Variants in TRPM3 observed in about 807,000 individuals in gnomAD.
TRPM3 encodes the protein long transient receptor potential channel 3.
Under a neutral mutation model 181.2 loss-of-function variants are expected in TRPM3, and 77 were observed. The ratio of observed to expected loss-of-function variants is 0.42; its 90% CI spans 0.35 to 0.51. TRPM3 has a LOEUF of 0.51. Among genes scored for constraint, TRPM3 ranks in the 20% least tolerant of loss-of-function variants. The probability of loss-of-function intolerance (pLI) is 0.01; values close to 1 mark genes in which losing one functional copy is unlikely to be tolerated. For synonymous variants in TRPM3, 745 were observed against 796.4 expected (o/e 0.94, Z 1.09); for missense variants, 1,759 against 2,196.7 (o/e 0.80, Z 3.98).
intron 1 of TRPM3, among the ~76,000 whole-genome samples, chr9:71,131,442 G>A (rs2074367177): frequency 6.6e-6 from 1 of 152,196 alleles, no homozygotes; most frequent in Non-Finnish European, 1.5e-5. Flanking sequence ...CGAATGGAAT[G>A]TAATTTCTAT....
intron 1 of TRPM3, among the ~76,000 whole-genome samples, chr9:71,310,480 A>C (rs2087817319): frequency 6.6e-6 from 1 of 152,158 alleles, no homozygotes; most frequent in African/African-American, 2.4e-5. Context: ...TGGAGGGGCA[A>C]AGGGTAAATT....
At chr9:71,108,171 T>C (rs947400475) in intron 1 of TRPM3, among the ~76,000 whole-genome samples, 3 of 152,244 alleles carry the variant, frequency 2.0e-5, no homozygotes, top group African/African-American at 7.2e-5. Context: ...GTCTTTATAG[T>C]ATACCTAAAA....
chr9:70,582,774 A>G lies in TRPM3; in HGVS notation c.3223+8257T>C, dbSNP rs2056226137. Among the ~76,000 whole-genome samples the G allele has an allele frequency of 2.6e-5, 4 of 152,218 alleles. No individual in the cohort carries two copies. The South Asian group carries it at 8.3e-4, about 32-fold the overall frequency. ...CCCATCACAGTAGATTCTACTGTAC[A>G]GGGCTATTCTGAAGAATTTCCAGAC... is the stretch of plus-strand genomic sequence containing the variant. On this transcript the variant is annotated intron_variant, in intron 22 of 25. Transcript: ENST00000677713.
chr9:71,326,227 T>C (rs1420798365), intron 1 of TRPM3, among the ~76,000 whole-genome samples: 1 of 152,176 alleles, frequency 6.6e-6, no homozygotes, highest in Non-Finnish European at 1.5e-5. Context: ...CCTACATTTC[T>C]AAGAAAGATG....
At chr9:71,189,047 G>A (rs1220121667) in intron 1 of TRPM3, among the ~76,000 whole-genome samples, 1 of 151,782 alleles carries the variant, frequency 6.6e-6, no homozygotes, top group Non-Finnish European at 1.5e-5. Context: ...TTTGAGACTG[G>A]TCATCAATAT....
chr9:71,075,440 C>T (rs1212979986), intron 1 of TRPM3, among the ~76,000 whole-genome samples: 1 of 152,150 alleles, frequency 6.6e-6, no homozygotes, highest in African/African-American at 2.4e-5. Context: ...GTGGTCAGCT[C>T]ATTTTTGAAT....
At chr9:71,125,273 G>GAA (rs2073960882), upstream of TRPM3, among the ~76,000 whole-genome samples, 2 of 152,136 alleles carry the variant, frequency 1.3e-5, no homozygotes, top group Non-Finnish European at 2.9e-5. Context: ...GTAAATGTGT[G>GAA]CCATGGTGGT....
At chr9:71,158,085 A>C (rs2076094496) in intron 1 of TRPM3, among the ~76,000 whole-genome samples, 1 of 152,162 alleles carries the variant, frequency 6.6e-6, no homozygotes, top group Non-Finnish European at 1.5e-5. Flanking sequence ...GCAATCTTAA[A>C]GTTGTGACAT....
chr9:70,541,412 G>T (rs1204218524), intron 25 of TRPM3, among the ~76,000 whole-genome samples: 1 of 152,124 alleles, frequency 6.6e-6, no homozygotes, highest in Non-Finnish European at 1.5e-5. Context: ...CATGGACCTA[G>T]CTGATAGGGG....
intron 1 of TRPM3, among the ~76,000 whole-genome samples, chr9:71,350,702 T>C (rs546738022): frequency 6.6e-6 from 1 of 152,382 alleles, no homozygotes; most frequent in South Asian, 2.1e-4. Context: ...CAATTTATTT[T>C]GTTGACTTGG....
At position 71,421,042 on chromosome 9, in the gene TRPM3, C is replaced by T. The variant is rs562763568; in HGVS notation, c.183+25611G>A. Among the ~76,000 whole-genome samples the T allele has an allele frequency of 1.2e-3, 167 of 140,152 alleles. 3 individuals carry two copies. Among genetic ancestry groups the T allele is most frequent in the South Asian group, 5.7e-3 (25 of 4,372 alleles). The allele number at this position is 140,152 out of a possible 152,430, so 91.9% of individuals were successfully genotyped here. ...AAAAGAGAGAAAAAGAAAAAGAGAACGAACTCACGTCCTTTGCAGCAACAT... is the reference window on the plus strand; with the variant it reads ...AAAAGAGAGAAAAAGAAAAAGAGAATGAACTCACGTCCTTTGCAGCAACAT... On this transcript the variant is annotated intron_variant, in intron 1 of 24. Transcript: ENST00000357533.
chr9:70,844,616 T>C (rs1469809786), intron 4 of TRPM3, among the ~76,000 whole-genome samples: 1 of 152,226 alleles, frequency 6.6e-6, no homozygotes, highest in Non-Finnish European at 1.5e-5. Context: ...GTCTGCACAA[T>C]TCTATCAATA....
At chr9:70,825,344 A>G (rs1017529381) in intron 6 of TRPM3, 1 of 151,914 alleles carries the variant, frequency 6.6e-6, no homozygotes, top group Non-Finnish European at 1.5e-5. Flanking sequence ...CTCTCCTCTT[A>G]CCATTTAATT....
At chr9:70,852,963 T>TAA (rs1242767635) in intron 3 of TRPM3, among the ~76,000 whole-genome samples, 1 of 152,146 alleles carries the variant, frequency 6.6e-6, no homozygotes, top group Non-Finnish European at 1.5e-5. Flanking sequence ...TATATATATA[T>TAA]TTTTTTCTGG....
At chr9:71,333,299 C>T (rs754991773) in intron 1 of TRPM3, among the ~76,000 whole-genome samples, 8 of 151,894 alleles carry the variant, frequency 5.3e-5, no homozygotes, top group Non-Finnish European at 1.0e-4. Context: ...CTCAGCAGTA[C>T]GAAATTGACT....
chr9:71,345,590 G>C (rs888240466), intron 1 of TRPM3, among the ~76,000 whole-genome samples: 3 of 151,924 alleles, frequency 2.0e-5, no homozygotes, highest in African/African-American at 7.3e-5. Flanking sequence ...GGCCTGTCGG[G>C]GGGTGGGGGG....
At position 71,356,135 on chromosome 9, in the gene TRPM3, C is replaced by T. The variant is rs116555537; in HGVS notation, c.183+90518G>A. On this transcript the variant is annotated intron_variant, in intron 1 of 24. Coordinates refer to the TRPM3 transcript ENST00000357533. ...AAGCCAAGCAGGTGATTCCATTCAA[C>T]GAATGGAAACAGCTACTTTTACTGT... Among the ~76,000 whole-genome samples the T allele has an allele frequency of 8.2e-3, 1,253 of 152,208 alleles. 21 individuals are homozygous for T. The highest frequency in any genetic ancestry group is 0.028 in the African/African-American group (1,174 of 41,544).
chr9:70,663,065 A>G (rs896889816), intron 9 of TRPM3, among the ~76,000 whole-genome samples: 1 of 152,236 alleles, frequency 6.6e-6, no homozygotes, highest in African/African-American at 2.4e-5. Context: ...AGCCATAAAA[A>G]GGAATGAAAT....
chr9:71,333,262 C>G (rs1182515932), intron 1 of TRPM3, among the ~76,000 whole-genome samples: 1 of 151,886 alleles, frequency 6.6e-6, no homozygotes, highest in Non-Finnish European at 1.5e-5. Flanking sequence ...CAGAACTCAG[C>G]TCTAACAAGT....
Sources: gnomAD v4.1 joint callset for allele counts (sites outside exome capture counted in the v4.1 genomes callset) on GRCh38, gnomAD v4.1.1 for gene constraint, MANE v1.5 for transcripts, NCBI Gene and HGNC (gene_info 2026-07-23, HGNC 2026-07-21) for gene names.